MAL: variants seen among roughly 807,000 people sequenced by gnomAD.
The protein encoded by MAL is mal, T cell differentiation protein (MAL blood group), also known as myelin and lymphocyte protein.
In MAL, 5 loss-of-function variants were observed where a neutral mutation model predicts 16.7. The ratio of observed to expected loss-of-function variants is 0.30; its 90% CI spans 0.16 to 0.63. The LOEUF (loss-of-function observed/expected upper bound fraction) is 0.63. Ranked by LOEUF, MAL falls within the 30% of genes least tolerant of loss-of-function variation. MAL has a pLI of 0.82. For synonymous variants in MAL, 96 were observed against 85.5 expected (o/e 1.12, Z -0.67); for missense variants, 202 against 195.8 (o/e 1.03, Z -0.19).
intron 1 of MAL, among the ~76,000 whole-genome samples, chr2:95,036,584 C>T (rs1472154219): frequency 6.6e-6 from 1 of 152,256 alleles, no homozygotes; most frequent in Non-Finnish European, 1.5e-5. Context: ...GACCATGCCA[C>T]TGTCAGCATC....
In MAL at chr2:95,025,922, C is replaced by T; in HGVS notation, c.93+37C>T. On this transcript the variant is annotated intron_variant, in intron 1 of 3. Transcript: ENST00000309988. This position sits in a 1 kb window ranked among gnomAD's most constrained non-coding sequence, Gnocchi z 5.6. The stretch of plus-strand genomic sequence containing the variant: ...CTGGCCGGGGAAGGGACGGGGTGGG[C>T]TGAGCCGTGCGCTCTCTCGGGCGCC... The T allele has an allele frequency of 6.7e-7, 1 of 1,496,110 alleles. No homozygotes were observed. Among genetic ancestry groups the T allele is most frequent in the Non-Finnish European group, 9.0e-7 (1 of 1,110,648 alleles). The allele number at this position is 1,496,110 out of a possible 1,614,324, so 92.7% of individuals were successfully genotyped here.
chr2:95,042,967 T>C (rs1207741619), intron 1 of MAL, among the ~76,000 whole-genome samples: 3 of 152,194 alleles, frequency 2.0e-5, no homozygotes, highest in Non-Finnish European at 4.4e-5. Context: ...ATTTGACTCA[T>C]GGTTTACAAC....
chr2:95,050,953 C>A (rs1573303194), intron 3 of MAL, among the ~76,000 whole-genome samples: 1 of 152,186 alleles, frequency 6.6e-6, no homozygotes, highest in Non-Finnish European at 1.5e-5. Flanking sequence ...CCCAAGACTG[C>A]CTCATACCTC....
intron 1 of MAL, among the ~76,000 whole-genome samples, chr2:95,028,969 GT>G (rs1252726669): frequency 2.0e-5 from 3 of 152,196 alleles, no homozygotes; most frequent in Non-Finnish European, 4.4e-5. Flanking sequence ...ATTAGATTGA[GT>G]TGGTGGGTGC....
intron 3 of MAL, among the ~76,000 whole-genome samples, chr2:95,051,004 A>G (rs1195598129): frequency 1.3e-5 from 2 of 152,194 alleles, no homozygotes; most frequent in African/African-American, 4.8e-5. Flanking sequence ...AAACATCAAC[A>G]AAGTGTCTGA....
intron 1 of MAL, among the ~76,000 whole-genome samples, chr2:95,028,035 G>A (rs1227938277): frequency 3.9e-5 from 6 of 151,926 alleles, no homozygotes; most frequent in Non-Finnish European, 7.4e-5. Flanking sequence ...GGCCAGTTGC[G>A]GTGACTCACG....
intron 2 of MAL, among the ~76,000 whole-genome samples, chr2:95,049,347 C>T (rs538414783): frequency 3.3e-5 from 5 of 152,302 alleles, no homozygotes; most frequent in South Asian, 4.1e-4. Context: ...CTTGACCCTT[C>T]CTCAGGGGAG....
chr2:95,031,418 C>T lies in MAL; in HGVS notation c.93+5533C>T, dbSNP rs542549379. On this transcript the variant is annotated intron_variant, in intron 1 of 3. Transcript: ENST00000309988. ...AACACACCCTGCAGGTTCTGAGTCA[C>T]GAGGTCCAGGGCAGGTTGAAGAACC... Among the ~76,000 whole-genome samples, 86 of 152,304 alleles carry T rather than the reference C, an allele frequency of 5.6e-4. 1 individual carries two copies. The South Asian group carries it at 0.011, about 20-fold the overall frequency.
chr2:95,026,517 G>A (rs1378128217), intron 1 of MAL: 1 of 126,582 alleles, frequency 7.9e-6, no homozygotes, highest in Non-Finnish European at 1.7e-5. Context: ...GGGGTGGGGG[G>A]TGGGGGGTGG....
rs72942262 is a variant in MAL, at chr2:95,053,374, G to C, written c.388-7G>C. The C allele has an allele frequency of 1.2e-6, 2 of 1,605,968 alleles. No individual in the cohort carries two copies. Among genetic ancestry groups the C allele is most frequent in the African/African-American group, 2.7e-5 (2 of 74,860 alleles). ...AACCCATTAACGGCCATTTCTCTTGGTTCCAGGTGTTCTCCTACATAGCCA... is the reference window on the plus strand; with the variant it reads ...AACCCATTAACGGCCATTTCTCTTGCTTCCAGGTGTTCTCCTACATAGCCA... On this transcript the variant is annotated splice_polypyrimidine_tract_variant and splice_region_variant and intron_variant, in intron 3 of 3. Transcript: ENST00000309988.
In MAL at chr2:95,025,962, G is replaced by A; in HGVS notation, c.93+77G>A. 7.8e-7 allele frequency: 1 copy of A among 1,285,742 alleles called. No individual in the cohort carries two copies. The highest frequency in any genetic ancestry group is 1.1e-6 in the Non-Finnish European group (1 of 928,390). The allele number at this position is 1,285,742 out of a possible 1,614,324, so 79.6% of individuals were successfully genotyped here. On this transcript the variant is annotated intron_variant, in intron 1 of 3. Transcript: ENST00000309988. The surrounding 1 kb of genome is among the most constrained non-coding windows in gnomAD (Gnocchi z 5.6). ...TCTCGGGCGCCCAGCACAGCTGTCG[G>A]ACGGGATCCGCTAGCTGCGCAGGTT...
At chr2:95,039,759 GTGAC>G (rs1674399129) in intron 1 of MAL, among the ~76,000 whole-genome samples, 1 of 151,992 alleles carries the variant, frequency 6.6e-6, no homozygotes, top group African/African-American at 2.4e-5. Context: ...GAGCGAGTGA[GTGAC>G]TGAGTGAGTG....
chr2:95,033,493 T>C (rs1674136050), intron 1 of MAL, among the ~76,000 whole-genome samples: 2 of 151,974 alleles, frequency 1.3e-5, no homozygotes, highest in Non-Finnish European at 2.9e-5. Flanking sequence ...TTAGTTAACA[T>C]GGAGGAGGCT....
intron 1 of MAL, among the ~76,000 whole-genome samples, chr2:95,030,390 C>T (rs1198376578): frequency 2.0e-5 from 3 of 152,262 alleles, no homozygotes; most frequent in South Asian, 2.1e-4. Context: ...GTCTGCTCCC[C>T]TGCAAAAGTC....
chr2:95,032,226 C>T (rs1674101573), intron 1 of MAL, among the ~76,000 whole-genome samples: 1 of 152,268 alleles, frequency 6.6e-6, no homozygotes, highest in African/African-American at 2.4e-5. Context: ...CTATACTCGC[C>T]ACACCAGCAG....
chr2:95,025,997 T>A lies in MAL; in HGVS notation c.93+112T>A. 1.1e-6 allele frequency: 1 copy of A among 943,778 alleles called. No individual in the cohort carries two copies. Among genetic ancestry groups the A allele is most frequent in the Non-Finnish European group, 1.6e-6 (1 of 637,304 alleles). 58.5% of individuals were successfully genotyped at this position (943,778 alleles called of 1,614,324 possible). A position where few individuals can be genotyped will look rare whatever the true frequency, so the allele number is the denominator to read the frequency against. ...GCTAGCTGCGCAGGTTCTGGGAGCA[T>A]CGGGGCAGCAGGCGCAGGGCGGGGA... On this transcript the variant is annotated intron_variant, in intron 1 of 3. Transcript: ENST00000309988. The surrounding 1 kb of genome is among the most constrained non-coding windows in gnomAD (Gnocchi z 5.6).
chr2:95,048,238 AC>A (rs1299123788), intron 2 of MAL, 112 bp downstream of exon 2: 4 of 1,134,434 alleles, frequency 3.5e-6, no homozygotes, highest in Non-Finnish European at 3.8e-6. Context: ...CGTAGATGTC[AC>A]CCCACCATGT....
intron 1 of MAL, among the ~76,000 whole-genome samples, chr2:95,047,608 C>T (rs187668025): frequency 8.1e-4 from 123 of 152,260 alleles, no homozygotes; most frequent in African/African-American, 2.9e-3. Flanking sequence ...GTAATCCCAG[C>T]TACTCAGGAA....
Position 95,053,638 on chromosome 2 carries a change from G to A in MAL, c.*183G>A, listed in dbSNP as rs1558663781. On this transcript the variant is annotated 3_prime_UTR_variant, in exon 4 of 4. Coordinates refer to ENST00000309988, the MANE Select transcript of MAL (RefSeq NM_002371.4). ...GTGGGTGCTGTGTTTACTCTCCCGT[G>A]TGCCTTCGCGTCCGGGTTGGGAGCT... is the stretch of plus-strand genomic sequence containing the variant. 1 of 594,454 alleles carries A rather than the reference G, an allele frequency of 1.7e-6. No homozygotes were observed. The highest frequency in any genetic ancestry group is 3.0e-6 in the Non-Finnish European group (1 of 335,956). The allele number at this position is 594,454 out of a possible 1,614,324, so 36.8% of individuals were successfully genotyped here. A position where few individuals can be genotyped will look rare whatever the true frequency, so the allele number is the denominator to read the frequency against.
Sources: gnomAD v4.1 joint callset for allele counts (sites outside exome capture counted in the v4.1 genomes callset) on GRCh38, gnomAD v4.1.1 for gene constraint, Gnocchi (gnomAD v3.1) non-coding constraint, MANE v1.5 for transcripts, NCBI Gene and HGNC (gene_info 2026-07-23, HGNC 2026-07-21) for gene names.